Variants in ARB2A observed in about 807,000 individuals in gnomAD.
The protein encoded by ARB2A is cotranscriptional regulator ARB2A.
the ARB2A span, among the ~76,000 whole-genome samples, chr5:93,695,471 A>G: frequency 6.6e-6 from 1 of 152,260 alleles, no homozygotes; most frequent in Non-Finnish European, 1.5e-5. Flanking sequence ...AATGCAAATC[A>G]AAACTACAAT....
the ARB2A span, among the ~76,000 whole-genome samples, chr5:93,882,676 ATTATATATCTTGTCT>A: frequency 6.6e-6 from 1 of 151,412 alleles, no homozygotes; most frequent in Non-Finnish European, 1.5e-5. Context: ...TTTTGAAGCT[ATTATATATCTTGTCT>A]TTTCTATTCA....
the ARB2A span, among the ~76,000 whole-genome samples, chr5:93,848,495 T>C: frequency 6.6e-5 from 10 of 152,284 alleles, no homozygotes; most frequent in South Asian, 1.7e-3. Flanking sequence ...ATTAAAATAT[T>C]ATTTTCTTCT....
the ARB2A span, among the ~76,000 whole-genome samples, chr5:93,802,294 A>G: frequency 2.0e-5 from 3 of 152,090 alleles, no homozygotes; most frequent in African/African-American, 7.2e-5. Flanking sequence ...TTATTTATTA[A>G]CAGCAATTTT....
chr5:94,068,140 G>C, the ARB2A span, among the ~76,000 whole-genome samples: 1 of 152,128 alleles, frequency 6.6e-6, no homozygotes. Flanking sequence ...TCTGACCTGG[G>C]GTTCCTGGCC....
At chr5:94,029,581 G>GTTGCATCACATCAGAAAACACACAATGT in the ARB2A span, among the ~76,000 whole-genome samples, 555 of 152,274 alleles carry the variant, frequency 3.6e-3, no homozygotes, top group Non-Finnish European at 5.2e-3. Flanking sequence ...TGTGCTTCAA[G>GTTGCATCACATCAGAAAACACACAATGT]TTGCATCACA....
At chr5:93,767,155 G>T in the ARB2A span, among the ~76,000 whole-genome samples, 1 of 152,102 alleles carries the variant, frequency 6.6e-6, no homozygotes, top group Non-Finnish European at 1.5e-5. Context: ...TAACCTGCAC[G>T]TTGTGCACAT....
At chr5:93,713,496 C>T in the ARB2A span, among the ~76,000 whole-genome samples, 1 of 152,028 alleles carries the variant, frequency 6.6e-6, no homozygotes. Context: ...CAAATCAAAA[C>T]TACAATGAGA....
chr5:94,028,678 C>CCACCTTTA, the ARB2A span, among the ~76,000 whole-genome samples: 3 of 152,106 alleles, frequency 2.0e-5, no homozygotes, highest in African/African-American at 2.4e-5. Flanking sequence ...AGTACAAAAA[C>CCACCTTTA]CACCTTTACA....
At chr5:94,011,467 C>A in the ARB2A span, among the ~76,000 whole-genome samples, 1 of 152,014 alleles carries the variant, frequency 6.6e-6, no homozygotes, top group East Asian at 1.9e-4. Flanking sequence ...TATGTGCTCT[C>A]GGTACCTAGA....
At chr5:93,700,470 T>A in the ARB2A span, among the ~76,000 whole-genome samples, 4 of 151,952 alleles carry the variant, frequency 2.6e-5, no homozygotes, top group African/African-American at 9.7e-5. Flanking sequence ...GTTATAATGA[T>A]AAAAGTAGTC....
chr5:93,696,495 A>G, the ARB2A span, among the ~76,000 whole-genome samples: 3 of 152,086 alleles, frequency 2.0e-5, no homozygotes, highest in East Asian at 5.8e-4. Context: ...AGAATCCCAT[A>G]TTCTCCTAAA....
At chr5:94,023,224 C>T in the ARB2A span, among the ~76,000 whole-genome samples, 10 of 152,220 alleles carry the variant, frequency 6.6e-5, no homozygotes, top group African/African-American at 2.4e-4. Flanking sequence ...AGTTCTATAT[C>T]TGTGTAATCT....
At chr5:93,981,876 T>C in the ARB2A span, among the ~76,000 whole-genome samples, 3 of 152,124 alleles carry the variant, frequency 2.0e-5, no homozygotes, top group African/African-American at 7.2e-5. Flanking sequence ...GCATCTGTAG[T>C]ACTTCCACTG....
the ARB2A span, among the ~76,000 whole-genome samples, chr5:93,972,132 C>G: frequency 2.0e-5 from 3 of 152,132 alleles, no homozygotes; most frequent in African/African-American, 7.2e-5. Context: ...TGGCTTCACC[C>G]CTACTGAAGG....
the ARB2A span, among the ~76,000 whole-genome samples, chr5:93,961,597 T>C: frequency 6.6e-6 from 1 of 151,850 alleles, no homozygotes; most frequent in African/African-American, 2.4e-5. Context: ...GGCTGGAGAA[T>C]TGCTTGAGGC....
At chr5:93,671,499 A>G in the ARB2A span, among the ~76,000 whole-genome samples, 1 of 152,114 alleles carries the variant, frequency 6.6e-6, no homozygotes, top group South Asian at 2.1e-4. Flanking sequence ...AAAAACCCTT[A>G]GGTATATTGA....
At chr5:93,882,209 C>T in the ARB2A span, among the ~76,000 whole-genome samples, 4 of 151,390 alleles carry the variant, frequency 2.6e-5, no homozygotes, top group Non-Finnish European at 4.4e-5. Context: ...TCTGATTTAA[C>T]ATTACAAAAC....
chr5:94,084,241 T>C, the ARB2A span, among the ~76,000 whole-genome samples: 1 of 128,164 alleles, frequency 7.8e-6, no homozygotes, highest in Non-Finnish European at 1.5e-5. Context: ...ACTACTGCGC[T>C]CCAATCTGGG....
the ARB2A span, chr5:93,741,146 G>A: frequency 1.9e-6 from 3 of 1,613,876 alleles, no homozygotes; most frequent in South Asian, 1.1e-5. Context: ...GAGTACCCTA[G>A]GCTCAACCTC....
Sources: gnomAD v4.1 joint callset for allele counts (sites outside exome capture counted in the v4.1 genomes callset) on GRCh38, gnomAD v4.1.1 for gene constraint, MANE v1.5 for transcripts, NCBI Gene and HGNC (gene_info 2026-07-23, HGNC 2026-07-21) for gene names.